The following DNAH7 variants were observed in gnomAD, a reference collection of about 807,000 sequenced individuals.
DNAH7 encodes the protein dynein axonemal heavy chain 7.
In DNAH7, 397 loss-of-function variants were observed where a neutral mutation model predicts 444.6. The ratio of observed to expected loss-of-function variants is 0.89; its 90% CI spans 0.82 to 0.97. The LOEUF (loss-of-function observed/expected upper bound fraction) is 0.97. DNAH7 is among the 50% of genes least tolerant of loss of function. The probability of loss-of-function intolerance (pLI) is 0.00; values close to 1 mark genes in which losing one functional copy is unlikely to be tolerated. For synonymous variants in DNAH7, 1,636 were observed against 1,624.4 expected, an observed-to-expected ratio of 1.01 and a Z score of -0.17; for missense variants, 4,902 against 4,800.8, an observed-to-expected ratio of 1.02 and a Z score of -0.62.
chr2:195,961,011 T>A (rs1351493099), intron 17 of DNAH7, 66 bp from the exon 18 acceptor site: 6 of 1,302,208 alleles, frequency 4.6e-6, no homozygotes, highest in Admixed American at 2.9e-5. Flanking sequence ...ATTAAGTTTT[T>A]TTAAATATCT....
At chr2:196,008,648 A>G (rs1171406674) in intron 10 of DNAH7, among the ~76,000 whole-genome samples, 3 of 152,192 alleles carry the variant, frequency 2.0e-5, no homozygotes, top group Admixed American at 2.0e-4. Context: ...ATGAACTTTG[A>G]AAACATTATG....
chr2:195,888,836 A>G lies in DNAH7; in HGVS notation c.5192T>C (p.Phe1731Ser). ...IQMSPQMNLI[F>S]EPMDLEVASP... ...AGCAACTTCTAAATCCATTGGCTCA[A>G]AAATTAGATTCATTTGTGGTGACAT... Residue 1731 changes from phenylalanine to serine, a missense_variant, in exon 32 of 65, where the codon TTT becomes TCT. Transcript: ENST00000312428. The G allele has an allele frequency of 6.2e-7, 1 of 1,612,832 alleles. No homozygotes were observed. The highest frequency in any genetic ancestry group is 8.5e-7 in the Non-Finnish European group (1 of 1,179,596).
chr2:196,029,887 T>C (rs1157003159), intron 5 of DNAH7, among the ~76,000 whole-genome samples: 1 of 152,086 alleles, frequency 6.6e-6, no homozygotes, highest in Non-Finnish European at 1.5e-5. Context: ...ACAAAATCAG[T>C]AGAAGCTTTT....
chr2:195,872,267 G>A lies in DNAH7; in HGVS notation c.6616C>T (p.Arg2206Cys), dbSNP rs766863216. Reference protein sequence around the residue: ...ETTETTEVIKRLWVHEVLRVY... With the variant: ...ETTETTEVIKCLWVHEVLRVY... ...AAATTTACCTCATGAACCCAAAGACGTTTAATCACTTCTGTGGTTTCTGTT... is the reference window on the plus strand; with the variant it reads ...AAATTTACCTCATGAACCCAAAGACATTTAATCACTTCTGTGGTTTCTGTT... The change falls in exon 40 of 65, where the codon CGT becomes TGT. Residue 2206 changes from arginine to cysteine, a missense_variant. Arg to Cys is a radical substitution (Grantham distance 180). Coordinates refer to ENST00000312428, the MANE Select transcript of DNAH7 (RefSeq NM_018897.3). 1.9e-6 allele frequency: 3 copies of A among 1,612,700 alleles called. No homozygotes were observed. Among genetic ancestry groups the A allele is most frequent in the East Asian group, 2.2e-5 (1 of 44,760 alleles).
chr2:196,042,067 T>C (rs1696798082), intron 5 of DNAH7, among the ~76,000 whole-genome samples: 1 of 151,854 alleles, frequency 6.6e-6, no homozygotes, highest in South Asian at 2.1e-4. Context: ...AAATAACAGA[T>C]GTGGGCAAGG....
At position 196,004,522 on chromosome 2, in the gene DNAH7, C is replaced by T. The variant is rs563804734; in HGVS notation, c.990-2664G>A. 2.6e-3 allele frequency among the ~76,000 whole-genome samples: 392 copies of T among 152,182 alleles called. 3 individuals are homozygous for T. Among genetic ancestry groups the T allele is most frequent in the Middle Eastern group, 3.4e-3 (1 of 294 alleles). On this transcript the variant is annotated intron_variant, in intron 10 of 64. Coordinates refer to ENST00000312428, the MANE Select transcript of DNAH7 (RefSeq NM_018897.3). ...CAACACATTTCTAAATGGCCTATGA[C>T]TCAAATAAGAAATCATAAGGGAAAT...
In DNAH7 at chr2:195,805,669, A is replaced by G. The variant is rs1328955864; in HGVS notation, c.10176+1071T>C. Among the ~76,000 whole-genome samples the G allele has an allele frequency of 2.6e-5, 4 of 152,230 alleles. No individual in the cohort carries two copies. In the East Asian group the frequency reaches 7.7e-4, roughly 29 times the overall value. ...ATATTTTACCATTGTTGGTATAAAG[A>G]CAAATATACACACACTGGATTATAT... On this transcript the variant is annotated intron_variant, in intron 54 of 64. Transcript: ENST00000312428.
At chr2:195,817,103 CTTATAA>C in intron 50 of DNAH7, 140 bp from the exon 51 acceptor site, 1 of 625,708 alleles carries the variant, frequency 1.6e-6, no homozygotes, top group Non-Finnish European at 2.7e-6. Flanking sequence ...ATGGTGATGC[CTTATAA>C]TTAATTTCTT....
intron 61 of DNAH7, among the ~76,000 whole-genome samples, chr2:195,767,550 C>T (rs1383526976): frequency 6.6e-6 from 1 of 151,850 alleles, no homozygotes; most frequent in Admixed American, 6.6e-5. Flanking sequence ...TATTCTAGTA[C>T]TGAACTTACA....
chr2:195,833,885 G>A (rs2124954847), intron 48 of DNAH7, among the ~76,000 whole-genome samples: 1 of 152,192 alleles, frequency 6.6e-6, no homozygotes, highest in Non-Finnish European at 1.5e-5. Context: ...CTCCTGAGTA[G>A]CTGGGATTAC....
chr2:195,842,310 C>A (rs1009136739), intron 47 of DNAH7, among the ~76,000 whole-genome samples: 4 of 151,956 alleles, frequency 2.6e-5, no homozygotes, highest in African/African-American at 9.7e-5. Context: ...CTAACTTGCC[C>A]AAATTTTATA....
At chr2:196,035,686 T>C (rs1696338702) in intron 5 of DNAH7, among the ~76,000 whole-genome samples, 1 of 151,938 alleles carries the variant, frequency 6.6e-6, no homozygotes, top group South Asian at 2.1e-4. Flanking sequence ...AAGATGGCAA[T>C]GTAGAGAGGA....
intron 19 of DNAH7, among the ~76,000 whole-genome samples, chr2:195,941,289 C>T (rs1689420139): frequency 6.6e-6 from 1 of 151,954 alleles, no homozygotes; most frequent in Non-Finnish European, 1.5e-5. Flanking sequence ...CCAAACACTG[C>T]ATGTTCTCAC....
rs1187817469 is a variant in DNAH7, at chr2:195,876,564, G to A, written c.6097C>T (p.Pro2033Ser). 1.2e-6 allele frequency: 2 copies of A among 1,613,782 alleles called. No homozygotes were observed. The highest frequency in any genetic ancestry group is 1.7e-6 in the Non-Finnish European group (2 of 1,179,854). ...ATTACCATTCTCTTGCCCAAAGGAG[G>A]ACCAAAAACTCCCTTTCTTCTCTTG... ...LDKRRKGVFG[P>S]PLGKRMVVFV... The change falls in exon 37 of 65, where the codon CCT becomes TCT. Residue 2033 changes from proline (P) to serine (S), a missense_variant. Coordinates refer to ENST00000312428, the MANE Select transcript of DNAH7 (RefSeq NM_018897.3).
At position 195,910,040 on chromosome 2, in the gene DNAH7, C is replaced by T. The variant is rs751541338; in HGVS notation, c.4091G>A (p.Gly1364Glu). 1.2e-6 allele frequency: 2 copies of T among 1,611,602 alleles called. No individual in the cohort carries two copies. The highest frequency in any genetic ancestry group is 1.1e-5 in the South Asian group (1 of 90,578). The change falls in exon 25 of 65, where the codon GGA becomes GAA. Residue 1364 changes from glycine to glutamate, a missense_variant. Transcript: ENST00000312428. ...GTTAATTCAAACCTTAAAGAATTTT[C>T]CCAAAGCCAAATAATCCAACCCATC... ...CSDGLDYLAL[G>E]KFFKGLLSCG...
intron 46 of DNAH7, among the ~76,000 whole-genome samples, chr2:195,850,315 T>C (rs952213545): frequency 6.9e-6 from 1 of 145,952 alleles, no homozygotes; most frequent in Non-Finnish European, 1.5e-5. Context: ...GAGAGAGAGA[T>C]GGTAGAAGTG....
chr2:196,016,165 T>C (rs974606482), intron 9 of DNAH7, among the ~76,000 whole-genome samples: 1 of 152,172 alleles, frequency 6.6e-6, no homozygotes, highest in Non-Finnish European at 1.5e-5. Flanking sequence ...AAGTCTAGCA[T>C]TTTATGGACA....
At chr2:195,907,148 G>A (rs746156467) in intron 25 of DNAH7, 139 bp from the exon 26 acceptor site, 6 of 614,136 alleles carry the variant, frequency 9.8e-6, no homozygotes, top group Middle Eastern at 4.4e-4. Flanking sequence ...TTTAAAGGCA[G>A]CTGATTTTTT....
At chr2:196,045,708 A>C (rs973451026) in intron 5 of DNAH7, among the ~76,000 whole-genome samples, 10 of 152,172 alleles carry the variant, frequency 6.6e-5, no homozygotes, top group African/African-American at 2.2e-4. Flanking sequence ...CTTAAGAAAT[A>C]TAAATTAAAT....
Sources: gnomAD v4.1 joint callset for allele counts (sites outside exome capture counted in the v4.1 genomes callset) on GRCh38, gnomAD v4.1.1 for gene constraint, MANE v1.5 for transcripts, NCBI Gene and HGNC (gene_info 2026-07-23, HGNC 2026-07-21) for gene names.